The following MGAT5 variants were observed in gnomAD, a reference collection of about 807,000 sequenced individuals.
The protein encoded by MGAT5 is alpha-1,6-mannosylglycoprotein 6-beta-N-acetylglucosaminyltransferase.
MGAT5 carries 30 observed loss-of-function variants against 94.3 expected under a neutral mutation model. The observed-to-expected ratio is 0.32, with a 90% CI of 0.24 to 0.43. The LOEUF (loss-of-function observed/expected upper bound fraction) is 0.43. Among genes scored for constraint, MGAT5 ranks in the 20% least tolerant of loss-of-function variants. MGAT5 has a pLI of 1.00. For missense variants in MGAT5, 691 were observed against 905.5 expected, an observed-to-expected ratio of 0.76 and a Z score of 3.04; for synonymous variants, 310 against 322.9, an observed-to-expected ratio of 0.96 and a Z score of 0.43.
In MGAT5 at chr2:134,143,001, A is replaced by C. The variant is rs200350499; in HGVS notation, c.-143+22710A>C. ...CCGAGATTTTAGAGATACAGGCCGG[A>C]GGGGGCATGGGGGTGGGAGGACAAA... On this transcript the variant is annotated intron_variant, in intron 1 of 16. Coordinates refer to the MGAT5 transcript ENST00000409645. Among the ~76,000 whole-genome samples, 4 of 149,166 alleles carry C rather than the reference A, an allele frequency of 2.7e-5. No individual in the cohort carries two copies. The East Asian group carries it at 8.1e-4, about 30-fold the overall frequency.
At chr2:134,138,586 A>G (rs903483371) in intron 1 of MGAT5, among the ~76,000 whole-genome samples, 1 of 152,208 alleles carries the variant, frequency 6.6e-6, no homozygotes, top group South Asian at 2.1e-4. Flanking sequence ...GCAGATGAAT[A>G]CTTTCTCTCT....
At chr2:134,247,835 T>C (rs996947697) in intron 1 of MGAT5, among the ~76,000 whole-genome samples, 1 of 152,226 alleles carries the variant, frequency 6.6e-6, no homozygotes, top group African/African-American at 2.4e-5. Flanking sequence ...TTTCAGGTTT[T>C]TGATGCAAGG....
At chr2:134,163,311 C>T (rs75169871) in intron 1 of MGAT5, among the ~76,000 whole-genome samples, 86 of 152,238 alleles carry the variant, frequency 5.6e-4, no homozygotes, top group Non-Finnish European at 7.9e-4. Context: ...GTACCTAAGA[C>T]GCCTTATTGA....
chr2:134,151,586 G>A (rs566296983), intron 1 of MGAT5, among the ~76,000 whole-genome samples: 7 of 110,368 alleles, frequency 6.3e-5, no homozygotes, highest in East Asian at 5.8e-4. Flanking sequence ...CCTCACTCAC[G>A]CCCTATGGGA....
chr2:134,416,845 TC>T (rs778370930), intron 12 of MGAT5, among the ~76,000 whole-genome samples: 1 of 149,540 alleles, frequency 6.7e-6, no homozygotes, highest in Non-Finnish European at 1.5e-5. Context: ...GATCAAGTGA[TC>T]CCCCCCACCT....
chr2:134,447,405 T>C (rs1685849514), intron 15 of MGAT5, among the ~76,000 whole-genome samples: 1 of 152,238 alleles, frequency 6.6e-6, no homozygotes, highest in South Asian at 2.1e-4. Flanking sequence ...ATCCACTTAC[T>C]TAGAGCTTGA....
At chr2:134,333,919 G>A (rs984250272) in intron 4 of MGAT5, among the ~76,000 whole-genome samples, 1 of 152,062 alleles carries the variant, frequency 6.6e-6, no homozygotes, top group African/African-American at 2.4e-5. Context: ...TTCTCCCCAT[G>A]GGATAATTGG....
intron 10 of MGAT5, among the ~76,000 whole-genome samples, chr2:134,370,554 C>G (rs1176872015): frequency 6.6e-6 from 1 of 152,234 alleles, no homozygotes; most frequent in East Asian, 1.9e-4. Context: ...CAGAAAAGAT[C>G]TTTTCATGAT....
At chr2:134,147,096 CT>C (rs1686955040) in intron 1 of MGAT5, among the ~76,000 whole-genome samples, 1 of 152,130 alleles carries the variant, frequency 6.6e-6, no homozygotes, top group East Asian at 1.9e-4. Flanking sequence ...CTCTCTCGCT[CT>C]CTTTCTTTTT....
intron 14 of MGAT5, among the ~76,000 whole-genome samples, chr2:134,439,650 T>C (rs962090053): frequency 3.3e-5 from 5 of 151,422 alleles, no homozygotes; most frequent in Non-Finnish European, 7.4e-5. Context: ...GGAACCGAGA[T>C]CGCACCACTG....
intron 1 of MGAT5, among the ~76,000 whole-genome samples, chr2:134,235,937 C>T (rs1245072915): frequency 2.6e-5 from 4 of 152,130 alleles, no homozygotes; most frequent in Non-Finnish European, 5.9e-5. Context: ...CTGTCTTGCT[C>T]CCCCTCCCCT....
intron 2 of MGAT5, among the ~76,000 whole-genome samples, chr2:134,289,190 C>T (rs910955872): frequency 2.6e-5 from 4 of 152,152 alleles, no homozygotes; most frequent in Admixed American, 1.3e-4. Flanking sequence ...GTGTGCCAGT[C>T]TCTCCTCTTC....
At position 134,449,075 on chromosome 2, in the gene MGAT5, G is replaced by A. The variant is rs1685957530; in HGVS notation, c.*228G>A. On this transcript the variant is annotated 3_prime_UTR_variant, in exon 16 of 16. Transcript: ENST00000281923. The stretch of plus-strand genomic sequence containing the variant: ...AGGCCAGGAGCCTGGCTTGTCCCTG[G>A]CACAACATCATTTCTGTTTCTCAAG... 1.8e-6 allele frequency: 1 copy of A among 562,722 alleles called. No individual in the cohort carries two copies. Among genetic ancestry groups the A allele is most frequent in the East Asian group, 3.0e-5 (1 of 33,604 alleles). 34.9% of individuals were successfully genotyped at this position (562,722 alleles called of 1,614,324 possible). A position where few individuals can be genotyped will look rare whatever the true frequency, so the allele number is the denominator to read the frequency against.
intron 8 of MGAT5, among the ~76,000 whole-genome samples, chr2:134,347,298 G>A (rs189163603): frequency 2.6e-4 from 39 of 152,192 alleles, no homozygotes; most frequent in African/African-American, 7.2e-4. Flanking sequence ...AAAGGATGTC[G>A]AATTATAAAT....
chr2:134,133,343 A>G (rs887317748), intron 1 of MGAT5, among the ~76,000 whole-genome samples: 2 of 152,250 alleles, frequency 1.3e-5, no homozygotes, highest in Non-Finnish European at 2.9e-5. Context: ...AAGCCTGTCA[A>G]GAAAGGACAA....
chr2:134,337,142 G>A (rs557322484), intron 5 of MGAT5, among the ~76,000 whole-genome samples: 107 of 152,248 alleles, frequency 7.0e-4, no homozygotes, highest in Middle Eastern at 3.4e-3. Context: ...GCTGTTCCAT[G>A]CTGTAAACCA....
chr2:134,267,564 C>G (rs1683794574), intron 1 of MGAT5, among the ~76,000 whole-genome samples: 1 of 152,160 alleles, frequency 6.6e-6, no homozygotes, highest in African/African-American at 2.4e-5. Flanking sequence ...ATGGGGTCAA[C>G]AAGAGATAGT....
intron 10 of MGAT5, among the ~76,000 whole-genome samples, chr2:134,371,506 T>C (rs942554915): frequency 6.6e-6 from 1 of 152,192 alleles, no homozygotes; most frequent in African/African-American, 2.4e-5. Flanking sequence ...CCCAGCCCAC[T>C]GACACTTTAC....
At chr2:134,443,602 G>A (rs503059) in intron 15 of MGAT5, among the ~76,000 whole-genome samples, 68,769 of 152,048 alleles carry the variant, frequency 0.45, 17,818 homozygotes, top group Admixed American at 0.62. Flanking sequence ...GGCTTGGGGC[G>A]GCACCCTGCT....
Sources: allele counts gnomAD v4.1 joint callset (sites outside exome capture counted in the v4.1 genomes callset), GRCh38; gene constraint gnomAD v4.1.1; transcripts MANE v1.5; gene names NCBI Gene and HGNC (gene_info 2026-07-23, HGNC 2026-07-21).